The following MCC variants were observed in gnomAD, a reference collection of about 807,000 sequenced individuals.
MCC encodes the protein colorectal mutant cancer protein.
A neutral mutation model predicts 116.2 loss-of-function variants in MCC; 90 were observed. The observed-to-expected ratio is 0.77, with a 90% CI of 0.65 to 0.92. MCC has a LOEUF of 0.92. Ranked by LOEUF, MCC falls within the 40% of genes least tolerant of loss-of-function variation. The pLI, the probability that MCC is intolerant of heterozygous loss-of-function variation, is 0.00. For missense variants in MCC, 1,516 were observed against 1,312.2 expected, an observed-to-expected ratio of 1.16 and a Z score of -2.40; for synonymous variants, 578 against 510.5, an observed-to-expected ratio of 1.13 and a Z score of -1.78.
intron 3 of MCC, among the ~76,000 whole-genome samples, chr5:113,316,173 T>C (rs1026560213): frequency 1.3e-5 from 2 of 151,572 alleles, no homozygotes; most frequent in African/African-American, 4.9e-5. Flanking sequence ...GGAGAATCGC[T>C]TGAACCCAGG....
At chr5:113,258,533 A>G (rs928327328) in intron 3 of MCC, among the ~76,000 whole-genome samples, 4 of 152,238 alleles carry the variant, frequency 2.6e-5, no homozygotes, top group African/African-American at 9.6e-5. Flanking sequence ...ACTGCAAGGA[A>G]TCTAGGTTGC....
At chr5:113,329,932 G>C (rs1459684979) in intron 3 of MCC, among the ~76,000 whole-genome samples, 8 of 152,148 alleles carry the variant, frequency 5.3e-5, no homozygotes, top group African/African-American at 1.7e-4. Flanking sequence ...CATGAAGAAG[G>C]GGGCAGCAGT....
intron 1 of MCC, chr5:113,435,968 T>C (rs950548997): frequency 6.6e-6 from 1 of 152,542 alleles, no homozygotes; most frequent in Non-Finnish European, 1.5e-5. Flanking sequence ...ACTGGTTCTG[T>C]GTCCAGCACC....
intron 3 of MCC, among the ~76,000 whole-genome samples, chr5:113,324,155 T>C (rs75870447): frequency 2.6e-3 from 391 of 152,250 alleles, no homozygotes; most frequent in African/African-American, 6.7e-3. Flanking sequence ...CTGGTTTCTA[T>C]AGAACCCCAG....
intron 15 of MCC, among the ~76,000 whole-genome samples, chr5:113,052,577 G>C (rs2150222360): frequency 6.6e-6 from 1 of 152,290 alleles, no homozygotes; most frequent in East Asian, 1.9e-4. Flanking sequence ...TGTGCTGAGT[G>C]AGTCACCCCT....
intron 3 of MCC, among the ~76,000 whole-genome samples, chr5:113,211,923 A>G (rs1763149725): frequency 6.6e-6 from 1 of 152,250 alleles, no homozygotes; most frequent in Non-Finnish European, 1.5e-5. Flanking sequence ...TTTTAAAACA[A>G]TGCATTTTTA....
At chr5:113,215,088 G>T (rs1763261492) in intron 3 of MCC, among the ~76,000 whole-genome samples, 1 of 152,102 alleles carries the variant, frequency 6.6e-6, no homozygotes, top group Admixed American at 6.5e-5. Flanking sequence ...CCTTTACTTG[G>T]CTGGCTACTG....
chr5:113,264,544 A>T lies in MCC; in HGVS notation c.627+75975T>A, dbSNP rs1053617168. The stretch of plus-strand genomic sequence containing the variant: ...TATTCTCATCCATCTCAGCTATTAT[A>T]AAAGTAAACACTCCCCCTTACTTCC... On this transcript the variant is annotated intron_variant, in intron 3 of 18. Transcript: ENST00000408903. Among the ~76,000 whole-genome samples, 22 of 152,152 alleles carry T rather than the reference A, an allele frequency of 1.4e-4. 1 individual carries two copies. Among genetic ancestry groups the T allele is most frequent in the Admixed American group, 5.2e-4 (8 of 15,270 alleles).
chr5:113,298,247 G>T (rs1385901679), intron 3 of MCC, among the ~76,000 whole-genome samples: 1 of 152,194 alleles, frequency 6.6e-6, no homozygotes, highest in Non-Finnish European at 1.5e-5. Flanking sequence ...TAGGGAAATG[G>T]GAAGATAACC....
intron 2 of MCC, among the ~76,000 whole-genome samples, chr5:113,383,297 T>A (rs552545534): frequency 6.6e-6 from 1 of 152,318 alleles, no homozygotes; most frequent in South Asian, 2.1e-4. Context: ...ATAGAAGAAA[T>A]CCATGTTCTT....
At chr5:113,164,723 G>T (rs1298776805) in intron 3 of MCC, among the ~76,000 whole-genome samples, 1 of 152,164 alleles carries the variant, frequency 6.6e-6, no homozygotes, top group East Asian at 1.9e-4. Context: ...ATTTACCACG[G>T]GTATCCAGGG....
At position 113,022,464 on chromosome 5, in the gene MCC, A is replaced by T. The variant is rs975086046; in HGVS notation, c.*4838T>A. ...AGCACATATTCAAATAATAGGAAACAAATCTCATGCAAAGTAAATAAATCT... is the reference window on the plus strand; with the variant it reads ...AGCACATATTCAAATAATAGGAAACTAATCTCATGCAAAGTAAATAAATCT... On this transcript the variant is annotated 3_prime_UTR_variant, in exon 19 of 19. Coordinates refer to ENST00000408903, the MANE Select transcript of MCC (RefSeq NM_001085377.2). The T allele has an allele frequency of 1.3e-5, 2 of 152,688 alleles. No homozygotes were observed. Among genetic ancestry groups the T allele is most frequent in the Non-Finnish European group, 2.9e-5 (2 of 68,056 alleles). The allele number at this position is 152,688 out of a possible 1,614,324, so 9.5% of individuals were successfully genotyped here.
intron 3 of MCC, among the ~76,000 whole-genome samples, chr5:113,305,344 C>T (rs1203668827): frequency 6.6e-6 from 1 of 152,216 alleles, no homozygotes; most frequent in Non-Finnish European, 1.5e-5. Flanking sequence ...TCTCCAGCTA[C>T]TCTTACCTGT....
rs547192248 is a variant in MCC, at chr5:113,424,132, TACACACACACAC to T, written c.171-38932_171-38921del. On this transcript the variant is annotated intron_variant, in intron 1 of 18. Transcript: ENST00000408903. The stretch of plus-strand genomic sequence containing the variant: ...TCCCACTGGTCAAAAAGTCATCCTC[TACACACACACAC>T]ACACACACACACACACACACACACA... Among the ~76,000 whole-genome samples, 325 of 112,704 alleles carry T rather than the reference TACACACACACAC, an allele frequency of 2.9e-3. 3 individuals carry two copies. The highest frequency in any genetic ancestry group is 9.1e-3 in the African/African-American group (265 of 29,278). The allele number at this position is 112,704 out of a possible 152,430, so 73.9% of individuals were successfully genotyped here.
At chr5:113,134,260 G>A (rs538117617) in intron 5 of MCC, among the ~76,000 whole-genome samples, 1 of 152,256 alleles carries the variant, frequency 6.6e-6, no homozygotes, top group South Asian at 2.1e-4. Context: ...GCGAGAGATT[G>A]GTGTCTGGTT....
chr5:113,037,786 A>G (rs1020404636), intron 17 of MCC, among the ~76,000 whole-genome samples: 2 of 152,202 alleles, frequency 1.3e-5, no homozygotes, highest in Non-Finnish European at 2.9e-5. Flanking sequence ...TTCTGATTGG[A>G]AAGGATGAGG....
chr5:113,096,573 T>C (rs7733566), intron 8 of MCC, among the ~76,000 whole-genome samples: 1 of 152,182 alleles, frequency 6.6e-6, no homozygotes, highest in African/African-American at 2.4e-5. Flanking sequence ...TATCCACATG[T>C]TCCTAAGCCC....
chr5:113,229,290 A>C (rs1324710915), intron 3 of MCC, among the ~76,000 whole-genome samples: 1 of 152,236 alleles, frequency 6.6e-6, no homozygotes, highest in Non-Finnish European at 1.5e-5. Context: ...GCCTATTTAA[A>C]ATGTTCAGAA....
intron 1 of MCC, 66 bp downstream of exon 1, chr5:113,488,178 CA>C: frequency 6.7e-7 from 1 of 1,494,880 alleles, no homozygotes; most frequent in Non-Finnish European, 9.0e-7. Context: ...GGGGGCAGAG[CA>C]GGGGTCAAGG....
Sources: gnomAD v4.1 joint callset for allele counts (sites outside exome capture counted in the v4.1 genomes callset) on GRCh38, gnomAD v4.1.1 for gene constraint, MANE v1.5 for transcripts, NCBI Gene and HGNC (gene_info 2026-07-23, HGNC 2026-07-21) for gene names.